GRM5: variants seen among roughly 807,000 people sequenced by gnomAD.
The protein encoded by GRM5 is metabotropic glutamate receptor 5.
GRM5 carries 19 observed loss-of-function variants against 83.1 expected under a neutral mutation model. That is an observed-to-expected ratio of 0.23 (90% confidence interval 0.16 to 0.34). GRM5 has a LOEUF of 0.34. GRM5 is among the 10% of genes least tolerant of loss of function. The probability of loss-of-function intolerance (pLI) is 1.00; values close to 1 mark genes in which losing one functional copy is unlikely to be tolerated. For synonymous variants in GRM5, 675 were observed against 633.6 expected (o/e 1.07, Z -0.98); for missense variants, 1,160 against 1,588.3 (o/e 0.73, Z 4.58).
intron 3 of GRM5, among the ~76,000 whole-genome samples, chr11:88,801,382 G>A (rs1238723524): frequency 1.3e-5 from 2 of 152,092 alleles, no homozygotes; most frequent in East Asian, 1.9e-4. Context: ...ATTACTTTTT[G>A]AGAGGCACCC....
chr11:88,947,116 T>C (rs1462606688), intron 2 of GRM5, among the ~76,000 whole-genome samples: 1 of 152,088 alleles, frequency 6.6e-6, no homozygotes, highest in Non-Finnish European at 1.5e-5. Context: ...TTTTTAATAA[T>C]GTAAGTAAAT....
chr11:88,962,341 A>G (rs921477775), intron 2 of GRM5, among the ~76,000 whole-genome samples: 3 of 152,258 alleles, frequency 2.0e-5, no homozygotes, highest in East Asian at 3.9e-4. Flanking sequence ...CCATTCTTCA[A>G]TTCTTCCATT....
chr11:88,955,861 A>G (rs768302991), intron 2 of GRM5, among the ~76,000 whole-genome samples: 25 of 152,216 alleles, frequency 1.6e-4, no homozygotes, highest in Non-Finnish European at 3.5e-4. Context: ...ACTTTGCACA[A>G]TAGATATTTA....
intron 3 of GRM5, among the ~76,000 whole-genome samples, chr11:88,776,468 G>T (rs953887253): frequency 1.3e-5 from 2 of 152,058 alleles, no homozygotes; most frequent in South Asian, 4.1e-4. Flanking sequence ...ATGTGAATTT[G>T]GTCTGGTCAT....
intron 2 of GRM5, among the ~76,000 whole-genome samples, chr11:88,878,685 G>A (rs1944898808): frequency 6.6e-6 from 1 of 152,152 alleles, no homozygotes; most frequent in Admixed American, 6.5e-5. Flanking sequence ...GTACTCATGA[G>A]ACTGTCTTTT....
At chr11:88,920,555 C>A in intron 2 of GRM5, among the ~76,000 whole-genome samples, 1 of 151,928 alleles carries the variant, frequency 6.6e-6, no homozygotes. Flanking sequence ...TATTTCCAAA[C>A]TCATTGGAAG....
At chr11:88,918,201 A>G (rs1478246603) in intron 2 of GRM5, among the ~76,000 whole-genome samples, 1 of 151,908 alleles carries the variant, frequency 6.6e-6, no homozygotes. Flanking sequence ...GGAAAAAAAA[A>G]AAACAAAAAC....
intron 2 of GRM5, among the ~76,000 whole-genome samples, chr11:88,920,029 G>GA (rs1945661341): frequency 2.0e-5 from 3 of 151,652 alleles, no homozygotes; most frequent in African/African-American, 4.8e-5. Flanking sequence ...AAACTTGGTA[G>GA]AAAAAAAGAA....
chr11:88,619,294 G>C (rs770143374), intron 4 of GRM5, among the ~76,000 whole-genome samples: 22 of 152,204 alleles, frequency 1.4e-4, no homozygotes, highest in Non-Finnish European at 1.3e-4. Flanking sequence ...GCTGAAGAAA[G>C]GAAGCCCTTG....
chr11:88,918,244 C>T (rs1398944885), intron 2 of GRM5, among the ~76,000 whole-genome samples: 1 of 151,198 alleles, frequency 6.6e-6, no homozygotes, highest in African/African-American at 2.4e-5. Flanking sequence ...AATCTTTTAT[C>T]CAAGAATAGT....
chr11:88,776,460 G>A (rs564700523), intron 3 of GRM5, among the ~76,000 whole-genome samples: 1 of 152,272 alleles, frequency 6.6e-6, no homozygotes, highest in South Asian at 2.1e-4. Flanking sequence ...ATTGTTATAT[G>A]TGAATTTGGT....
chr11:88,623,391 A>G (rs186073578), intron 4 of GRM5, among the ~76,000 whole-genome samples: 178 of 152,202 alleles, frequency 1.2e-3, no homozygotes, highest in Non-Finnish European at 1.6e-3. Flanking sequence ...CAGCCTCCCA[A>G]AGTGCTGGCA....
chr11:88,638,672 C>T (rs904863814), intron 4 of GRM5, among the ~76,000 whole-genome samples: 1 of 151,970 alleles, frequency 6.6e-6, no homozygotes, highest in Admixed American at 6.6e-5. Context: ...AAATATAGGA[C>T]CATTCATATT....
At chr11:88,529,966 C>T (rs1941970455) in intron 8 of GRM5, among the ~76,000 whole-genome samples, 1 of 151,926 alleles carries the variant, frequency 6.6e-6, no homozygotes, top group Non-Finnish European at 1.5e-5. Flanking sequence ...GCTGGTGGGA[C>T]ATCCAAGTGG....
intron 2 of GRM5, among the ~76,000 whole-genome samples, chr11:88,869,304 T>C (rs866156587): frequency 3.3e-5 from 5 of 151,778 alleles, no homozygotes; most frequent in African/African-American, 1.2e-4. Context: ...GTCATGAGTT[T>C]ATGAAATTGT....
chr11:88,787,321 G>A (rs1014852496), intron 3 of GRM5, among the ~76,000 whole-genome samples: 10 of 151,870 alleles, frequency 6.6e-5, no homozygotes, highest in African/African-American at 2.4e-4. Flanking sequence ...AATATCCAGG[G>A]CAGGAAAGAA....
At chr11:88,600,119 G>A (rs1937937050) in intron 5 of GRM5, among the ~76,000 whole-genome samples, 1 of 152,148 alleles carries the variant, frequency 6.6e-6, no homozygotes, top group African/African-American at 2.4e-5. Context: ...AGATTAGTGT[G>A]TCATTCCAAT....
rs186639723 is a variant in GRM5 at position 88,926,236 on chromosome 11, C to A, written c.662-76081G>T. Among the ~76,000 whole-genome samples, 569 of 152,226 alleles carry A rather than the reference C, an allele frequency of 3.7e-3. 4 individuals are homozygous for A. The highest frequency in any genetic ancestry group is 0.013 in the African/African-American group (544 of 41,558). On this transcript the variant is annotated intron_variant, in intron 2 of 9. Transcript: ENST00000305447. ...ATTCAAAACCAAATCCTTCTAAAAT[C>A]AAAAACCAGGCTGACTCCCCTGGAT...
intron 7 of GRM5, among the ~76,000 whole-genome samples, chr11:88,568,703 C>T (rs1334853955): frequency 6.6e-6 from 1 of 151,940 alleles, no homozygotes; most frequent in Non-Finnish European, 1.5e-5. Context: ...TATTTTAGAG[C>T]CATATAGAGT....
Sources: gnomAD v4.1 joint callset for allele counts (sites outside exome capture counted in the v4.1 genomes callset) on GRCh38, gnomAD v4.1.1 for gene constraint, MANE v1.5 for transcripts, NCBI Gene and HGNC (gene_info 2026-07-23, HGNC 2026-07-21) for gene names.